STYXL1: variants seen among roughly 807,000 people sequenced by gnomAD.
STYXL1 encodes the protein serine/threonine/tyrosine interacting like 1, also known as serine/threonine/tyrosine-interacting-like protein 1.
A neutral mutation model predicts 36.4 loss-of-function variants in STYXL1; 32 were observed. That is an observed-to-expected ratio of 0.88 (90% CI 0.66 to 1.18). STYXL1 has a LOEUF of 1.18. Ranked by LOEUF, STYXL1 falls within the 50% of genes most tolerant of loss-of-function variation. The pLI is 0.00. For synonymous variants in STYXL1, 133 were observed against 144.1 expected (o/e 0.92, Z 0.55); for missense variants, 354 against 394.1 (o/e 0.90, Z 0.86).
chr7:76,031,227 A>AGAC (rs1795292041), intron 1 of STYXL1, among the ~76,000 whole-genome samples: 1 of 143,086 alleles, frequency 7.0e-6, no homozygotes. Context: ...GCTACTCGGG[A>AGAC]GACTGAGGCA....
At chr7:76,014,548 T>C (rs1474308056) in intron 4 of STYXL1, among the ~76,000 whole-genome samples, 1 of 151,818 alleles carries the variant, frequency 6.6e-6, no homozygotes, top group Non-Finnish European at 1.5e-5. Context: ...AGACAGTGTC[T>C]CACTTTTTTG....
At chr7:76,000,345 A>T in intron 8 of STYXL1, 1 of 447,402 alleles carries the variant, frequency 2.2e-6, no homozygotes, top group South Asian at 1.6e-5. Context: ...CTTCCCCCAA[A>T]AACATCCCTG....
At chr7:76,019,997 G>C (rs1793868279) in intron 4 of STYXL1, among the ~76,000 whole-genome samples, 1 of 151,054 alleles carries the variant, frequency 6.6e-6, no homozygotes, top group Non-Finnish European at 1.5e-5. Context: ...TACCCCCAAA[G>C]ACTTTTCATT....
chr7:76,004,152 G>A (rs1791344595), intron 6 of STYXL1, among the ~76,000 whole-genome samples: 1 of 152,078 alleles, frequency 6.6e-6, no homozygotes, highest in African/African-American at 2.4e-5. Context: ...GGAGTGCAGT[G>A]GCACGATCTC....
At chr7:76,006,102 ACT>A (rs1265270989) in intron 5 of STYXL1, among the ~76,000 whole-genome samples, 1 of 151,548 alleles carries the variant, frequency 6.6e-6, no homozygotes, top group Non-Finnish European at 1.5e-5. Context: ...AGGGTCTCTC[ACT>A]CTGTCACCCA....
chr7:76,031,486 A>T (rs2116329887), intron 1 of STYXL1, among the ~76,000 whole-genome samples: 1 of 152,014 alleles, frequency 6.6e-6, no homozygotes, highest in Non-Finnish European at 1.5e-5. Context: ...AGGCCGAGGT[A>T]GGTGGATCAC....
Position 76,022,005 on chromosome 7 carries a change from AAC to A in STYXL1, c.166-15_166-14del, listed in dbSNP as rs113324748. ...ATTCATTATTTTTCTTAAAAAAAAA[AAC>A]ACACACACACAAGAGAGGCCTGTTG... On this transcript the variant is annotated splice_polypyrimidine_tract_variant and intron_variant, in intron 3 of 8. Transcript: ENST00000359697. The A allele has an allele frequency of 3.0e-5, 48 of 1,592,954 alleles. No homozygotes were observed. Among genetic ancestry groups the A allele is most frequent in the South Asian group, 7.9e-5 (7 of 88,786 alleles).
intron 1 of STYXL1, 102 bp from the exon 2 acceptor site, chr7:76,030,629 G>A (rs2116310572): frequency 2.9e-6 from 2 of 701,046 alleles, no homozygotes; most frequent in Admixed American, 2.2e-5. Context: ...ATACCTTCAA[G>A]CAAAGATGAC....
intron 4 of STYXL1, among the ~76,000 whole-genome samples, chr7:76,018,357 T>C (rs1437662196): frequency 6.6e-6 from 1 of 152,228 alleles, no homozygotes; most frequent in Non-Finnish European, 1.5e-5. Flanking sequence ...ATGATCTCTT[T>C]AGTGTTCATC....
At chr7:76,033,250 A>G (rs1554579853) in intron 1 of STYXL1, among the ~76,000 whole-genome samples, 1 of 151,974 alleles carries the variant, frequency 6.6e-6, no homozygotes, top group Non-Finnish European at 1.5e-5. Flanking sequence ...GGCTCAAGCA[A>G]TCCTCTGGCC....
chr7:76,044,190 A>C (rs1796740861), intron 1 of STYXL1: 1 of 152,158 alleles, frequency 6.6e-6, no homozygotes, highest in African/African-American at 2.4e-5. Context: ...ATAAGGTCTC[A>C]TTCTGTCACC....
At chr7:76,008,488 C>A (rs1234267116) in intron 5 of STYXL1, among the ~76,000 whole-genome samples, 2 of 152,090 alleles carry the variant, frequency 1.3e-5, no homozygotes, top group African/African-American at 4.8e-5. Context: ...GGCAGTGAAC[C>A]CTCTGCAAGC....
rs188377153 is a variant in STYXL1, at chr7:76,007,877, T to C, written c.454-2473A>G. 4.9e-5 allele frequency among the ~76,000 whole-genome samples: 7 copies of C among 141,594 alleles called. No homozygotes were observed. In the East Asian group the frequency reaches 1.5e-3, roughly 30 times the overall value. 92.9% of individuals were successfully genotyped at this position (141,594 alleles called of 152,430 possible). ...TTACAGAGAGTTATGACCGCATCACTGCACTCCAGCCTGTCTCTCAAAAAA... is the reference window on the plus strand; with the variant it reads ...TTACAGAGAGTTATGACCGCATCACCGCACTCCAGCCTGTCTCTCAAAAAA... On this transcript the variant is annotated intron_variant, in intron 5 of 8. Transcript: ENST00000359697.
intron 3 of STYXL1, among the ~76,000 whole-genome samples, chr7:76,026,578 C>T (rs78478514): frequency 0.19 from 28,252 of 152,096 alleles, 2,937 homozygotes; most frequent in East Asian, 0.29. Flanking sequence ...CTCCATGCCC[C>T]GCCCAAAATT....
At chr7:76,028,749 C>A (rs373504175) in intron 2 of STYXL1, 46 bp from the exon 3 acceptor site, 3 of 1,544,848 alleles carry the variant, frequency 1.9e-6, no homozygotes, top group African/African-American at 1.4e-5. Flanking sequence ...AAGGAACATA[C>A]GACCAAACTA....
chr7:76,010,004 G>A (rs938327047), intron 5 of STYXL1, among the ~76,000 whole-genome samples: 1 of 152,062 alleles, frequency 6.6e-6, no homozygotes. Flanking sequence ...GACCATACCG[G>A]GCCTTTTAAA....
At chr7:76,019,937 A>G (rs1299127064) in intron 4 of STYXL1, among the ~76,000 whole-genome samples, 1 of 151,930 alleles carries the variant, frequency 6.6e-6, no homozygotes, top group Admixed American at 6.6e-5. Context: ...CAAAAAAAAA[A>G]AAAAAAAAAG....
In STYXL1 at chr7:76,005,489, C is replaced by T. The variant is rs1791551645; in HGVS notation, c.454-85G>A. ...ATCTCTTGAAACACAGCTCAGCAAA[C>T]GAGCGTAAAAGGGCAGTTCCAGGAC... On this transcript the variant is annotated intron_variant, in intron 5 of 8. Coordinates refer to ENST00000359697, the MANE Select transcript of STYXL1 (RefSeq NM_001317785.2). 7.2e-6 allele frequency: 10 copies of T among 1,380,988 alleles called. No homozygotes were observed. The East Asian group carries it at 7.3e-5, about 10-fold the overall frequency. 85.5% of individuals were successfully genotyped at this position (1,380,988 alleles called of 1,614,324 possible). A position where few individuals can be genotyped will look rare whatever the true frequency, so the allele number is the denominator to read the frequency against.
At chr7:76,008,175 G>T (rs1554571067) in intron 5 of STYXL1, among the ~76,000 whole-genome samples, 2 of 126,622 alleles carry the variant, frequency 1.6e-5, no homozygotes, top group South Asian at 5.3e-4. Flanking sequence ...CTCCAGCCCG[G>T]GCAACAAGAG....
Sources: allele counts gnomAD v4.1 joint callset (sites outside exome capture counted in the v4.1 genomes callset), GRCh38; gene constraint gnomAD v4.1.1; transcripts MANE v1.5; gene names NCBI Gene and HGNC (gene_info 2026-07-23, HGNC 2026-07-21).